SLC22A3: variants seen among roughly 807,000 people sequenced by gnomAD.
SLC22A3 encodes the protein EMT organic cation transporter 3.
Under a neutral mutation model 59.1 loss-of-function variants are expected in SLC22A3, and 51 were observed. The ratio of observed to expected loss-of-function variants is 0.86; its 90% CI spans 0.69 to 1.09. The LOEUF is 1.09. SLC22A3 is among the 50% of genes least tolerant of loss of function. SLC22A3 has a pLI of 0.00. For missense variants in SLC22A3, 711 were observed against 726.3 expected, an observed-to-expected ratio of 0.98 and a Z score of 0.24; for synonymous variants, 325 against 292.0, an observed-to-expected ratio of 1.11 and a Z score of -1.15.
intron 5 of SLC22A3, among the ~76,000 whole-genome samples, chr6:160,414,973 C>A (rs955497411): frequency 6.6e-6 from 1 of 152,240 alleles, no homozygotes. Context: ...TTCTGAATAC[C>A]TCCTTGCTCT....
intron 7 of SLC22A3, 26 bp from the exon 8 acceptor site, chr6:160,442,735 C>T (rs779084136): frequency 1.3e-6 from 2 of 1,539,386 alleles, no homozygotes; most frequent in East Asian, 2.2e-5. Flanking sequence ...CCTAACTCCT[C>T]CCTTTCAAAC....
chr6:160,400,655 AAC>A (rs55746106), intron 2 of SLC22A3, among the ~76,000 whole-genome samples: 2,549 of 149,266 alleles, frequency 0.017, 59 homozygotes, highest in African/African-American at 0.048. Flanking sequence ...TAAAAGCCAA[AAC>A]ACACACACAC....
chr6:160,392,051 A>G (rs977430463), intron 1 of SLC22A3, among the ~76,000 whole-genome samples: 11 of 152,142 alleles, frequency 7.2e-5, no homozygotes, highest in Non-Finnish European at 1.3e-4. Flanking sequence ...ATTAAACTAA[A>G]TCACCCCATT....
rs528058276 is a variant in SLC22A3 at position 160,399,148 on chromosome 6, CT to C, written c.533+1067del. Among the ~76,000 whole-genome samples the C allele has an allele frequency of 9.2e-4, 140 of 152,224 alleles. 1 individual carries two copies. The highest frequency in any genetic ancestry group is 3.2e-3 in the African/African-American group (132 of 41,550). ...TTCTCTTTCATGTTTCTCTCTCGCC[CT>C]CTCCACAGCTGTCCTTTGCATGTGA... On this transcript the variant is annotated intron_variant, in intron 2 of 10. Coordinates refer to ENST00000275300, the MANE Select transcript of SLC22A3 (RefSeq NM_021977.4).
chr6:160,435,484 C>T (rs1788304862), intron 5 of SLC22A3, among the ~76,000 whole-genome samples: 2 of 152,258 alleles, frequency 1.3e-5, no homozygotes, highest in Non-Finnish European at 2.9e-5. Flanking sequence ...TGACCAAAGG[C>T]ATTCATTTTG....
intron 1 of SLC22A3, among the ~76,000 whole-genome samples, chr6:160,385,328 C>T (rs967149209): frequency 6.6e-6 from 1 of 152,202 alleles, no homozygotes; most frequent in Non-Finnish European, 1.5e-5. Context: ...AGGTGCCCTG[C>T]GTTCTGTCAT....
chr6:160,386,693 A>G (rs111578450), intron 1 of SLC22A3, among the ~76,000 whole-genome samples: 3,700 of 152,320 alleles, frequency 0.024, 149 homozygotes, highest in Middle Eastern at 0.11. Context: ...CAGCACAGAC[A>G]TCTTCCAAGG....
At chr6:160,375,001 C>G (rs567098324) in intron 1 of SLC22A3, among the ~76,000 whole-genome samples, 39 of 152,220 alleles carry the variant, frequency 2.6e-4, no homozygotes, top group African/African-American at 8.4e-4. Context: ...CTGTCCAACT[C>G]GCATAGAAGG....
At chr6:160,364,628 G>T (rs1020377506) in intron 1 of SLC22A3, among the ~76,000 whole-genome samples, 1 of 152,194 alleles carries the variant, frequency 6.6e-6, no homozygotes, top group Non-Finnish European at 1.5e-5. Context: ...ACCTATTGAT[G>T]ATCTCTTAAG....
chr6:160,431,878 T>C (rs890135679), intron 5 of SLC22A3, among the ~76,000 whole-genome samples: 6 of 152,172 alleles, frequency 3.9e-5, no homozygotes, highest in African/African-American at 1.4e-4. Flanking sequence ...CACTGGCTCG[T>C]GTGTCTGGAA....
At chr6:160,385,632 T>G (rs933367707) in intron 1 of SLC22A3, among the ~76,000 whole-genome samples, 86 of 152,346 alleles carry the variant, frequency 5.6e-4, no homozygotes, top group African/African-American at 1.9e-3. Flanking sequence ...CATGGGCTCC[T>G]GCACAACTGG....
At chr6:160,374,410 T>C (rs1785514028) in intron 1 of SLC22A3, among the ~76,000 whole-genome samples, 1 of 152,090 alleles carries the variant, frequency 6.6e-6, no homozygotes, top group Non-Finnish European at 1.5e-5. Flanking sequence ...ACCTTCTGCA[T>C]CCACCTCGCC....
rs1376311820 is a variant in SLC22A3, at chr6:160,348,840, G to C, written c.421G>C (p.Val141Leu). ...WRYAQAHSTI[V>L]SEFDLVCVNA... ...CTACGCCCAGGCCCACTCCACCATCGTCAGCGAGGTAAGGGCGCCCCGGCC... is the reference window on the plus strand; with the variant it reads ...CTACGCCCAGGCCCACTCCACCATCCTCAGCGAGGTAAGGGCGCCCCGGCC... Residue 141 changes from valine (V) to leucine (L), a missense_variant, in exon 1 of 11, where the codon GTC (valine) becomes CTC (leucine). Val to Leu is a conservative substitution (Grantham distance 32). Coordinates refer to ENST00000275300, the MANE Select transcript of SLC22A3 (RefSeq NM_021977.4). The C allele has an allele frequency of 1.3e-6, 2 of 1,584,274 alleles. No homozygotes were observed. Among genetic ancestry groups the C allele is most frequent in the South Asian group, 2.3e-5 (2 of 88,276 alleles).
At chr6:160,446,507 G>A (rs1788751565) in intron 9 of SLC22A3, among the ~76,000 whole-genome samples, 1 of 152,146 alleles carries the variant, frequency 6.6e-6, no homozygotes, top group East Asian at 1.9e-4. Context: ...TAAGAGAAGA[G>A]CAAGGAAAAT....
chr6:160,394,750 A>G (rs1387537519), intron 1 of SLC22A3, among the ~76,000 whole-genome samples: 3 of 152,234 alleles, frequency 2.0e-5, no homozygotes, highest in South Asian at 2.1e-4. Flanking sequence ...AGGAGAGGAC[A>G]GGGGTCAGGA....
chr6:160,387,992 C>T (rs146200463), intron 1 of SLC22A3, among the ~76,000 whole-genome samples: 2 of 152,282 alleles, frequency 1.3e-5, no homozygotes, highest in Non-Finnish European at 2.9e-5. Context: ...GACTGGGATT[C>T]TGTAAATGCC....
chr6:160,420,358 C>T (rs1308073299), intron 5 of SLC22A3, among the ~76,000 whole-genome samples: 1 of 152,218 alleles, frequency 6.6e-6, no homozygotes, highest in African/African-American at 2.4e-5. Flanking sequence ...CTCACCCAAA[C>T]TCATCTTCCA....
intron 10 of SLC22A3, 130 bp downstream of exon 10, chr6:160,447,948 CA>C (rs1324943445): frequency 4.1e-6 from 3 of 733,062 alleles, no homozygotes; most frequent in Non-Finnish European, 7.1e-6. Flanking sequence ...ATATTGTAAG[CA>C]AAAAATTCAA....
chr6:160,406,984 C>T, intron 2 of SLC22A3, 57 bp from the exon 3 acceptor site: 1 of 1,570,554 alleles, frequency 6.4e-7, no homozygotes, highest in Non-Finnish European at 8.7e-7. Context: ...GTTATATTTT[C>T]CCATTGTGTT....
Sources: gnomAD v4.1 joint callset for allele counts (sites outside exome capture counted in the v4.1 genomes callset) on GRCh38, gnomAD v4.1.1 for gene constraint, MANE v1.5 for transcripts, NCBI Gene and HGNC (gene_info 2026-07-23, HGNC 2026-07-21) for gene names.